The following ECD variants were observed in gnomAD, a reference collection of about 807,000 sequenced individuals.
ECD encodes protein ecdysoneless homolog.
Under a neutral mutation model 77.2 loss-of-function variants are expected in ECD, and 59 were observed. The observed-to-expected ratio is 0.76, with a 90% CI of 0.62 to 0.95. The LOEUF (loss-of-function observed/expected upper bound fraction) is 0.95, where lower values mean the gene tolerates loss of function less well. Among genes scored for constraint, ECD ranks in the 40% least tolerant of loss-of-function variants. The pLI is 0.00. For synonymous variants in ECD, 233 were observed against 267.4 expected (o/e 0.87, Z 1.26); for missense variants, 704 against 763.4 (o/e 0.92, Z 0.92).
Position 73,148,290 on chromosome 10 carries a change from T to C in ECD, c.1027A>G (p.Asn343Asp). 2 of 1,613,754 alleles carry C rather than the reference T, an allele frequency of 1.2e-6. No homozygotes were observed. Among genetic ancestry groups the C allele is most frequent in the Middle Eastern group, 1.6e-4 (1 of 6,062 alleles). The change falls in exon 8 of 14, where the codon AAT (asparagine) becomes GAT (aspartate). Residue 343 changes from asparagine (N) to aspartate (D), a missense_variant. Asn to Asp is a conservative substitution (Grantham distance 23). Coordinates refer to ENST00000372979, the MANE Select transcript of ECD (RefSeq NM_007265.3). Reference sequence around the variant, plus strand: ...GCAAGTCCTACCTTAAAGTAATCATTCTTTTTCAGACTTTCAAGGAAACTG... The same window carrying C: ...GCAAGTCCTACCTTAAAGTAATCATCCTTTTTCAGACTTTCAAGGAAACTG... The part of the protein sequence containing the change: ...WASFLESLKK[N>D]DYFKGLIEGS...
chr10:73,154,132 T>G, intron 6 of ECD, 124 bp downstream of exon 6: 1 of 1,004,428 alleles, frequency 1.0e-6, no homozygotes, highest in Non-Finnish European at 1.4e-6. Context: ...TCCTTTTTTT[T>G]CTAGAGAACA....
chr10:73,137,934 C>T, intron 12 of ECD, 69 bp downstream of exon 12: 1 of 1,244,442 alleles, frequency 8.0e-7, no homozygotes, highest in Non-Finnish European at 1.1e-6. Context: ...ATCTCATAAA[C>T]CAATGCTCTA....
intron 8 of ECD, 124 bp downstream of exon 8, chr10:73,148,152 G>C (rs530383660): frequency 8.2e-7 from 1 of 1,226,908 alleles, no homozygotes; most frequent in East Asian, 2.6e-5. Flanking sequence ...AACTAGAAAG[G>C]TCTCCTTTAA....
At chr10:73,163,522 C>T (rs1414078628) in intron 2 of ECD, among the ~76,000 whole-genome samples, 1 of 151,972 alleles carries the variant, frequency 6.6e-6, no homozygotes, top group Non-Finnish European at 1.5e-5. Context: ...ATGCTAATTC[C>T]TAAGGCAAAT....
chr10:73,165,855 A>G (rs1376603507), intron 1 of ECD, among the ~76,000 whole-genome samples: 1 of 152,106 alleles, frequency 6.6e-6, no homozygotes, highest in Non-Finnish European at 1.5e-5. Flanking sequence ...TTATTTTTAA[A>G]TGTACAATTA....
chr10:73,136,317 CTGTGGCCCAAGGCA>C (rs1231102215), intron 13 of ECD, among the ~76,000 whole-genome samples: 1 of 152,094 alleles, frequency 6.6e-6, no homozygotes, highest in Non-Finnish European at 1.5e-5. Context: ...TTTTAATCCA[CTGTGGCCCAAGGCA>C]TAGTCTCAAA....
At chr10:73,157,492 G>A in intron 3 of ECD, among the ~76,000 whole-genome samples, 1 of 151,662 alleles carries the variant, frequency 6.6e-6, no homozygotes, top group Admixed American at 6.6e-5. Context: ...GCCGAGGTGG[G>A]CGGATCACCT....
At chr10:73,165,924 T>C (rs1309171773) in intron 1 of ECD, among the ~76,000 whole-genome samples, 1 of 152,156 alleles carries the variant, frequency 6.6e-6, no homozygotes, top group Non-Finnish European at 1.5e-5. Flanking sequence ...TCATTCACTC[T>C]ATTTTTTTTG....
chr10:73,143,171 T>C (rs534237252), intron 9 of ECD, among the ~76,000 whole-genome samples: 4 of 152,262 alleles, frequency 2.6e-5, no homozygotes, highest in East Asian at 1.9e-4. Flanking sequence ...CTATAAATAA[T>C]GTATTGTTTT....
At chr10:73,153,217 C>T (rs996456454) in intron 6 of ECD, among the ~76,000 whole-genome samples, 3 of 151,818 alleles carry the variant, frequency 2.0e-5, no homozygotes, top group Non-Finnish European at 2.9e-5. Context: ...CCTCAGCCTC[C>T]GAAGTAGCGG....
chr10:73,160,462 T>C lies in ECD; in HGVS notation c.295A>G (p.Thr99Ala). ...WFIVYVIKQITKEFPELVARI... is the reference protein window; with the variant it reads ...WFIVYVIKQIAKEFPELVARI... ...GCTACTAACTCTGGAAATTCCTTTGTGATCTGCTTTATTACATAAACAATA... is the reference window on the plus strand; with the variant it reads ...GCTACTAACTCTGGAAATTCCTTTGCGATCTGCTTTATTACATAAACAATA... The change falls in exon 3 of 14, where the codon ACA becomes GCA. Residue 99 changes from threonine to alanine, a missense_variant. Transcript: ENST00000372979. 6.2e-7 allele frequency: 1 copy of C among 1,604,020 alleles called. No individual in the cohort carries two copies. The highest frequency in any genetic ancestry group is 8.5e-7 in the Non-Finnish European group (1 of 1,176,648).
chr10:73,142,691 T>A (rs1053557287), intron 9 of ECD, among the ~76,000 whole-genome samples: 4 of 151,734 alleles, frequency 2.6e-5, no homozygotes, highest in Non-Finnish European at 5.9e-5. Flanking sequence ...TGATGACCAC[T>A]GCCACCCATC....
intron 11 of ECD, among the ~76,000 whole-genome samples, chr10:73,138,548 A>G (rs1169505772): frequency 6.6e-6 from 1 of 152,130 alleles, no homozygotes; most frequent in Admixed American, 6.5e-5. Context: ...TATATTTGAT[A>G]CACAAGTAAC....
chr10:73,164,362 T>A (rs140309728), intron 1 of ECD, among the ~76,000 whole-genome samples: 6 of 150,428 alleles, frequency 4.0e-5, no homozygotes, highest in Non-Finnish European at 7.4e-5. Flanking sequence ...AAAAAAAAAA[T>A]AAATAAAAAT....
At chr10:73,165,383 G>A (rs1472466498) in intron 1 of ECD, among the ~76,000 whole-genome samples, 3 of 148,396 alleles carry the variant, frequency 2.0e-5, no homozygotes, top group African/African-American at 5.0e-5. Flanking sequence ...ATGGAGTCTC[G>A]CTCTGTCGCC....
At chr10:73,137,649 G>A (rs576194489) in intron 12 of ECD, among the ~76,000 whole-genome samples, 16 of 152,042 alleles carry the variant, frequency 1.1e-4, no homozygotes, top group Admixed American at 3.3e-4. Context: ...GGTGGCAGGC[G>A]CCTGTAGTCC....
intron 11 of ECD, 83 bp from the exon 12 acceptor site, chr10:73,138,153 A>T: frequency 1.0e-6 from 1 of 993,560 alleles, no homozygotes; most frequent in Non-Finnish European, 1.4e-6. Flanking sequence ...CATTCTTAGG[A>T]AAGCTACCAA....
intron 8 of ECD, 113 bp downstream of exon 8, chr10:73,148,163 G>A (rs766842953): frequency 3.2e-5 from 43 of 1,352,886 alleles, no homozygotes; most frequent in Admixed American, 1.8e-4. Context: ...TCTCCTTTAA[G>A]TCTAGCTTCC....
Position 73,156,262 on chromosome 10 carries a change from A to T in ECD, c.590+13T>A. 3.2e-6 allele frequency: 5 copies of T among 1,549,756 alleles called. No homozygotes were observed. The highest frequency in any genetic ancestry group is 3.5e-6 in the Non-Finnish European group (4 of 1,153,888). Reference sequence around the variant, plus strand: ...GGTTCCTTAATTAGCAATGAAAGTGATATTTTTCTTACCCTCTGATGCGCC... The same window carrying T: ...GGTTCCTTAATTAGCAATGAAAGTGTTATTTTTCTTACCCTCTGATGCGCC... On this transcript the variant is annotated intron_variant, in intron 5 of 13. Transcript: ENST00000372979.
Sources: allele counts gnomAD v4.1 joint callset (sites outside exome capture counted in the v4.1 genomes callset), GRCh38; gene constraint gnomAD v4.1.1; transcripts MANE v1.5; gene names NCBI Gene and HGNC (gene_info 2026-07-23, HGNC 2026-07-21).